The following PPEF1 variants were observed in gnomAD, a reference collection of about 807,000 sequenced individuals.
PPEF1 encodes serine/threonine-protein phosphatase with EF-hands 1.
Under a neutral mutation model 53.3 loss-of-function variants are expected in PPEF1, and 12 were observed. That is an observed-to-expected ratio of 0.23 (90% CI 0.14 to 0.36). The LOEUF is 0.36. Ranked by LOEUF, PPEF1 falls within the 10% of genes least tolerant of loss-of-function variation. The pLI is 1.00. For missense variants in PPEF1, 334 were observed against 490.4 expected (o/e 0.68, Z 3.01); for synonymous variants, 165 against 176.7 (o/e 0.93, Z 0.52).
chrX:18,775,521 G>A (rs1053190290), intron 6 of PPEF1, among the ~76,000 whole-genome samples: 2 of 111,914 alleles, frequency 1.8e-5, no homozygotes, highest in East Asian at 2.8e-4. Flanking sequence ...CACTGTGCCC[G>A]GCCAACCCAT....
At chrX:18,799,385 G>A (rs1208382899) in intron 10 of PPEF1, among the ~76,000 whole-genome samples, 2 of 111,679 alleles carry the variant, frequency 1.8e-5, no homozygotes, top group Non-Finnish European at 3.8e-5. Flanking sequence ...CAGCCTGGGC[G>A]ACGAAAGCAA....
In PPEF1 at chrX:18,723,548, C is replaced by A. The variant is rs185811696; in HGVS notation, c.47-6633C>A. On this transcript the variant is annotated intron_variant, in intron 1 of 15. Coordinates refer to ENST00000470157, the MANE Select transcript of PPEF1 (RefSeq NM_001377996.1). Reference sequence around the variant, plus strand: ...GTGTTCATTCATTCATTCAATCATTCATTCAACAAATATATAATACATTTC... The same window carrying A: ...GTGTTCATTCATTCATTCAATCATTAATTCAACAAATATATAATACATTTC... 3.1e-3 allele frequency among the ~76,000 whole-genome samples: 347 copies of A among 111,691 alleles called. 3 individuals are homozygous for A. The highest frequency in any genetic ancestry group is 8.2e-3 in the African/African-American group (252 of 30,761).
chrX:18,803,831 G>T, intron 10 of PPEF1, 61 bp from the exon 11 acceptor site: 3 of 992,586 alleles, frequency 3.0e-6, no homozygotes, highest in Non-Finnish European at 4.1e-6. Flanking sequence ...AAATAAGTTG[G>T]AATCTAGAAA....
intron 1 of PPEF1, among the ~76,000 whole-genome samples, chrX:18,715,359 C>G (rs1311808125): frequency 9.0e-6 from 1 of 111,378 alleles, no homozygotes; most frequent in African/African-American, 3.3e-5. Flanking sequence ...TGGTGAGACA[C>G]TGTCTCTACT....
At chrX:18,785,065 G>T (rs1322632659) in intron 9 of PPEF1, among the ~76,000 whole-genome samples, 1 of 111,821 alleles carries the variant, frequency 8.9e-6, no homozygotes, top group Non-Finnish European at 1.9e-5. Context: ...GTGGGGTCTA[G>T]AGCTGGAATT....
chrX:18,742,034 G>A (rs1243234912), intron 3 of PPEF1, among the ~76,000 whole-genome samples: 1 of 110,321 alleles, frequency 9.1e-6, no homozygotes, highest in Non-Finnish European at 1.9e-5. Context: ...CTGGCCTCGG[G>A]TGATTTGCCT....
chrX:18,793,123 G>T (rs1345539879), intron 10 of PPEF1, among the ~76,000 whole-genome samples: 1 of 107,077 alleles, frequency 9.3e-6, no homozygotes. Context: ...TAATATCATT[G>T]ACTTGAGATC....
chrX:18,730,357 C>T, intron 2 of PPEF1, 49 bp downstream of exon 2: 1 of 1,168,764 alleles, frequency 8.6e-7, no homozygotes, highest in Non-Finnish European at 1.2e-6. Context: ...ATTCTCTTTA[C>T]CCCTTGTTAT....
chrX:18,699,614 T>C (rs975041023), intron 5 of PPEF1, among the ~76,000 whole-genome samples: 2 of 111,526 alleles, frequency 1.8e-5, no homozygotes, highest in African/African-American at 6.5e-5. Context: ...ACTTTGAATT[T>C]TCAAGTATGT....
At chrX:18,806,354 T>C (rs1717241576) in intron 11 of PPEF1, 49 bp from the exon 12 acceptor site, 1 of 1,147,493 alleles carries the variant, frequency 8.7e-7, no homozygotes, top group Non-Finnish European at 1.2e-6. Flanking sequence ...TTGAATGACC[T>C]TTTGAGAACT....
chrX:18,697,432 C>T (rs1929791585), intron 4 of PPEF1, among the ~76,000 whole-genome samples: 1 of 110,738 alleles, frequency 9.0e-6, no homozygotes, highest in Non-Finnish European at 1.9e-5. Context: ...TAGTTAAGTA[C>T]TGTAGAATAT....
upstream of PPEF1, among the ~76,000 whole-genome samples, chrX:18,705,672 G>A (rs530718826): frequency 8.1e-5 from 9 of 111,000 alleles, no homozygotes; most frequent in South Asian, 7.6e-4. Context: ...TCATGGTTGC[G>A]CCACTGCACT....
intron 4 of PPEF1, among the ~76,000 whole-genome samples, chrX:18,753,006 T>G (rs1425451824): frequency 8.9e-6 from 1 of 112,058 alleles, no homozygotes; most frequent in East Asian, 2.8e-4. Flanking sequence ...AGGGTAATAC[T>G]GATCTCATAG....
intron 4 of PPEF1, chrX:18,691,737 A>G (rs1390395874): frequency 8.9e-6 from 1 of 112,317 alleles, no homozygotes; most frequent in East Asian, 2.8e-4. Context: ...ATATTTAAAA[A>G]TATCCTAGCT....
intron 2 of PPEF1, among the ~76,000 whole-genome samples, chrX:18,731,217 A>T (rs941951016): frequency 8.9e-6 from 1 of 112,419 alleles, no homozygotes; most frequent in Non-Finnish European, 1.9e-5. Context: ...AAAAAGATAC[A>T]CAGGAAATTG....
At chrX:18,785,469 C>G (rs1052474674) in intron 9 of PPEF1, among the ~76,000 whole-genome samples, 1 of 111,064 alleles carries the variant, frequency 9.0e-6, no homozygotes, top group Non-Finnish European at 1.9e-5. Context: ...TCTCCTGATT[C>G]TGTGGTGATT....
chrX:18,819,892 C>T (rs1417939059), intron 13 of PPEF1, among the ~76,000 whole-genome samples: 2 of 111,331 alleles, frequency 1.8e-5, no homozygotes, highest in Admixed American at 9.6e-5. Context: ...GAAGTTAAAT[C>T]CAGACCTACA....
At chrX:18,730,103 TCCACTGAAG>T in intron 1 of PPEF1, 69 bp from the exon 2 acceptor site, 1 of 1,029,722 alleles carries the variant, frequency 9.7e-7, no homozygotes, top group Non-Finnish European at 1.3e-6. Flanking sequence ...GCTTTTTTTT[TCCACTGAAG>T]CACCTACTTC....
chrX:18,718,267 C>T (rs987125218), intron 1 of PPEF1, among the ~76,000 whole-genome samples: 1 of 111,842 alleles, frequency 8.9e-6, no homozygotes, highest in Non-Finnish European at 1.9e-5. Context: ...ATTTTAGAAT[C>T]GTGAACCTTT....
Sources: gnomAD v4.1 joint callset for allele counts (sites outside exome capture counted in the v4.1 genomes callset) on GRCh38, gnomAD v4.1.1 for gene constraint, MANE v1.5 for transcripts, NCBI Gene and HGNC (gene_info 2026-07-23, HGNC 2026-07-21) for gene names.